ATP2A2: variants seen among roughly 807,000 people sequenced by gnomAD.
ATP2A2 encodes sarcoplasmic/endoplasmic reticulum calcium ATPase 2.
A neutral mutation model predicts 109.3 loss-of-function variants in ATP2A2; 14 were observed. The observed-to-expected ratio is 0.13, with a 90% CI of 0.08 to 0.20. ATP2A2 has a LOEUF of 0.20. Ranked by LOEUF, ATP2A2 falls within the 10% of genes least tolerant of loss-of-function variation. The probability of loss-of-function intolerance (pLI) is 1.00; values close to 1 mark genes in which losing one functional copy is unlikely to be tolerated. For missense variants in ATP2A2, 657 were observed against 1,321.6 expected (o/e 0.50, Z 7.80); for synonymous variants, 506 against 490.9 (o/e 1.03, Z -0.41).
rs1190512791 is a variant in ATP2A2, at chr12:110,301,935, TTA to T, written c.463+5200_463+5201del. On this transcript the variant is annotated intron_variant, in intron 5 of 19. Transcript: ENST00000539276. Reference sequence around the variant, plus strand: ...TATTAATTTGCTCAATGCACTGATCTTATGGTGGTGAAGCTTTGATTATTACC... The same window carrying T: ...TATTAATTTGCTCAATGCACTGATCTTGGTGGTGAAGCTTTGATTATTACC... Among the ~76,000 whole-genome samples the T allele has an allele frequency of 2.0e-5, 3 of 152,328 alleles. No homozygotes were observed. The South Asian group carries it at 6.2e-4, about 32-fold the overall frequency.
At chr12:110,307,191 A>G (rs1875437840) in intron 5 of ATP2A2, among the ~76,000 whole-genome samples, 1 of 147,688 alleles carries the variant, frequency 6.8e-6, no homozygotes, top group Non-Finnish European at 1.5e-5. Flanking sequence ...TCTTGCCAGC[A>G]GTGTATAAGT....
Position 110,305,970 on chromosome 12 carries a change from G to A in ATP2A2, c.463+9233G>A, listed in dbSNP as rs566921369. Among the ~76,000 whole-genome samples, 5 of 152,018 alleles carry A rather than the reference G, an allele frequency of 3.3e-5. No individual in the cohort carries two copies. The South Asian group carries it at 1.0e-3, about 31-fold the overall frequency. ...TTCTTTTGTTATTGCATTTTTGGCG[G>A]GGGGAATATTTGTAATTGGAATAAT... is the stretch of plus-strand genomic sequence containing the variant. On this transcript the variant is annotated intron_variant, in intron 5 of 19. Coordinates refer to ENST00000539276, the MANE Select transcript of ATP2A2 (RefSeq NM_170665.4).
chr12:110,293,710 A>T (rs1873609397), intron 4 of ATP2A2, among the ~76,000 whole-genome samples: 1 of 151,454 alleles, frequency 6.6e-6, no homozygotes, highest in African/African-American at 2.4e-5. Flanking sequence ...TTATAAACAT[A>T]CTTAGTCCTG....
chr12:110,339,273 C>G lies in ATP2A2; in HGVS notation c.1420-8C>G, dbSNP rs112499287. 7,656 of 1,613,756 alleles carry G rather than the reference C, an allele frequency of 4.7e-3. 249 individuals carry two copies. The African/African-American group carries it at 0.081, about 17-fold the overall frequency. On this transcript the variant is annotated splice_region_variant and splice_polypyrimidine_tract_variant and intron_variant, in intron 11 of 19. Coordinates refer to ENST00000539276, the MANE Select transcript of ATP2A2 (RefSeq NM_170665.4). This position sits in a 1 kb window ranked among gnomAD's most constrained non-coding sequence, Gnocchi z 4.4. ...ACCCAGTAGTATCCATATTTGTTCC[C>G]TTTGTAGGTCATTAAACAGCTGATG...
intron 6 of ATP2A2, 117 bp downstream of exon 6, chr12:110,323,189 A>ATACT: frequency 1.2e-6 from 1 of 845,436 alleles, no homozygotes; most frequent in Non-Finnish European, 2.0e-6. Context: ...CCTCTCTAAG[A>ATACT]TACTTATTTC....
rs768999793 is a variant in ATP2A2 at position 110,332,587 on chromosome 12, C to T, written c.1096-10C>T. On this transcript the variant is annotated splice_polypyrimidine_tract_variant and intron_variant, in intron 8 of 19. Transcript: ENST00000539276. Reference sequence around the variant, plus strand: ...CCTTTTAAATACTCTGATGCGCTCTCCCCCTACAGATGTTCATTCTGGACA... The same window carrying T: ...CCTTTTAAATACTCTGATGCGCTCTTCCCCTACAGATGTTCATTCTGGACA... The T allele has an allele frequency of 2.1e-5, 33 of 1,601,344 alleles. No homozygotes were observed. The highest frequency in any genetic ancestry group is 2.4e-5 in the Non-Finnish European group (28 of 1,168,476).
chr12:110,320,623 C>G (rs1328756509), intron 5 of ATP2A2, among the ~76,000 whole-genome samples: 3 of 152,210 alleles, frequency 2.0e-5, no homozygotes, highest in African/African-American at 7.2e-5. Context: ...TAGATGTACT[C>G]TCTTCAATGT....
intron 5 of ATP2A2, among the ~76,000 whole-genome samples, chr12:110,321,384 TTTTC>T (rs1877225837): frequency 6.6e-6 from 1 of 152,206 alleles, no homozygotes; most frequent in South Asian, 2.1e-4. Context: ...TATGGGAGAA[TTTTC>T]TTATGTAATT....
chr12:110,303,161 G>A (rs1191602430), intron 5 of ATP2A2, among the ~76,000 whole-genome samples: 4 of 152,200 alleles, frequency 2.6e-5, no homozygotes, highest in African/African-American at 7.2e-5. Flanking sequence ...GATAGGCTCA[G>A]CTAATGTAAA....
At chr12:110,330,513 G>A (rs1209589264) in intron 8 of ATP2A2, 1 of 152,196 alleles carries the variant, frequency 6.6e-6, no homozygotes, top group East Asian at 1.9e-4. Flanking sequence ...TTACGATTTT[G>A]TGTCTCACTT....
intron 8 of ATP2A2, chr12:110,330,965 T>C (rs569646169): frequency 6.6e-6 from 1 of 152,230 alleles, no homozygotes; most frequent in Non-Finnish European, 1.5e-5. Flanking sequence ...CATTTTTGGC[T>C]GGGCACAGTG....
chr12:110,293,864 G>A (rs796110802), intron 4 of ATP2A2, among the ~76,000 whole-genome samples: 10,997 of 84,368 alleles, frequency 0.13, 616 homozygotes, highest in African/African-American at 0.2. Flanking sequence ...GTGTGTGTGT[G>A]TATATATTTT....
At position 110,340,725 on chromosome 12, in the gene ATP2A2, G is replaced by A. The variant is rs768017949; in HGVS notation, c.1828G>A (p.Val610Met). The A allele has an allele frequency of 7.4e-6, 12 of 1,613,896 alleles. No homozygotes were observed. The highest frequency in any genetic ancestry group is 4.0e-5 in the African/African-American group (3 of 74,874). ...TCCGAGAATCGAGGTGGCCTCCTCCGTGAAGCTGTGCCGGCAAGCAGGCAT... is the reference window on the plus strand; with the variant it reads ...TCCGAGAATCGAGGTGGCCTCCTCCATGAAGCTGTGCCGGCAAGCAGGCAT... ...DPPRIEVASS[V>M]KLCRQAGIRV... The change falls in exon 14 of 20, where the codon GTG becomes ATG. Residue 610 changes from valine to methionine, a missense_variant. Coordinates refer to ENST00000539276, the MANE Select transcript of ATP2A2 (RefSeq NM_170665.4). The surrounding 1 kb of genome is among the most constrained non-coding windows in gnomAD (Gnocchi z 6.0).
Position 110,349,240 on chromosome 12 carries a change from G to T in ATP2A2, c.*2770G>T. On this transcript the variant is annotated 3_prime_UTR_variant, in exon 20 of 20. Transcript: ENST00000539276. The stretch of plus-strand genomic sequence containing the variant: ...CCATAAAGACCAGGTCCAGCACCGT[G>T]GTCTTGGCACATCCCTGGCCTCAGG... 1.0e-6 allele frequency: 1 copy of T among 985,546 alleles called. No individual in the cohort carries two copies. Among genetic ancestry groups the T allele is most frequent in the African/African-American group, 1.7e-5 (1 of 57,372 alleles). The allele number at this position is 985,546 out of a possible 1,614,324, so 61.1% of individuals were successfully genotyped here. A position where few individuals can be genotyped will look rare whatever the true frequency, so the allele number is the denominator to read the frequency against.
rs903015883 is a variant in ATP2A2 at position 110,309,054 on chromosome 12, G to C, written c.463+12317G>C. On this transcript the variant is annotated intron_variant, in intron 5 of 19. Transcript: ENST00000539276. The stretch of plus-strand genomic sequence containing the variant: ...GTCAGCTTTTGGAAGATATCTGGTA[G>C]GATGGTTCTGGCTGAACTTTTCAAA... Among the ~76,000 whole-genome samples the C allele has an allele frequency of 3.3e-5, 5 of 150,912 alleles. No homozygotes were observed. The South Asian group carries it at 1.0e-3, about 32-fold the overall frequency.
Position 110,339,314 on chromosome 12 carries a change from C to T in ATP2A2, c.1453C>T (p.Leu485=), listed in dbSNP as rs754925443. The change falls in exon 12 of 20, where the codon CTA becomes TTA. Residue 485 remains leucine, a synonymous_variant. Coordinates refer to ENST00000539276, the MANE Select transcript of ATP2A2 (RefSeq NM_170665.4). This position sits in a 1 kb window ranked among gnomAD's most constrained non-coding sequence, Gnocchi z 4.4. ...ACAGCTGATGAAAAAGGAATTCACT[C>T]TAGAGTTTTCACGTGACAGAAAGTC... ...IKQLMKKEFT[L]EFSRDRKSMS... is the part of the protein sequence containing the mutation. The T allele has an allele frequency of 4.8e-5, 77 of 1,613,960 alleles. No individual in the cohort carries two copies. Among genetic ancestry groups the T allele is most frequent in the Admixed American group, 1.2e-4 (7 of 59,990 alleles).
chr12:110,327,309 A>G lies in ATP2A2; in HGVS notation c.631-244A>G, dbSNP rs1877905923. On this transcript the variant is annotated intron_variant, in intron 7 of 19. Coordinates refer to ENST00000539276, the MANE Select transcript of ATP2A2 (RefSeq NM_170665.4). This position sits in a 1 kb window ranked among gnomAD's most constrained non-coding sequence, Gnocchi z 4.4. Reference sequence around the variant, plus strand: ...GAGGGGTTAAGAGCACTGCTTGAAGATGGTCTGCAAGCCGGGCTCAAATAG... The same window carrying G: ...GAGGGGTTAAGAGCACTGCTTGAAGGTGGTCTGCAAGCCGGGCTCAAATAG... Among the ~76,000 whole-genome samples, 1 of 152,184 alleles carries G rather than the reference A, an allele frequency of 6.6e-6. No homozygotes were observed. The highest frequency in any genetic ancestry group is 2.1e-4 in the South Asian group (1 of 4,830).
chr12:110,283,920 A>G (rs1350039518), intron 3 of ATP2A2, among the ~76,000 whole-genome samples: 1 of 152,242 alleles, frequency 6.6e-6, no homozygotes, highest in Non-Finnish European at 1.5e-5. Context: ...TGAGGAAAAG[A>G]TTAAATTTAT....
Position 110,350,498 on chromosome 12 carries a change from T to C in ATP2A2, c.*4028T>C. On this transcript the variant is annotated 3_prime_UTR_variant, in exon 20 of 20. Coordinates refer to ENST00000539276, the MANE Select transcript of ATP2A2 (RefSeq NM_170665.4). ...GGGGTTGTTAGCTTTTAAATCAAAA[T>C]ACTGATTACAGATGTACAATTTAGC... is the stretch of plus-strand genomic sequence containing the variant. 1.2e-6 allele frequency: 1 copy of C among 843,648 alleles called. No individual in the cohort carries two copies. The highest frequency in any genetic ancestry group is 1.9e-6 in the Non-Finnish European group (1 of 540,336). 52.3% of individuals were successfully genotyped at this position (843,648 alleles called of 1,614,324 possible).
Sources: gnomAD v4.1 joint callset for allele counts (sites outside exome capture counted in the v4.1 genomes callset) on GRCh38, gnomAD v4.1.1 for gene constraint, Gnocchi (gnomAD v3.1) non-coding constraint, MANE v1.5 for transcripts, NCBI Gene and HGNC (gene_info 2026-07-23, HGNC 2026-07-21) for gene names.